Variants in FAM162A observed in about 807,000 individuals in gnomAD.
The protein encoded by FAM162A is family with sequence similarity 162 member A.
FAM162A carries 23 observed loss-of-function variants against 21.8 expected under a neutral mutation model. The ratio of observed to expected loss-of-function variants is 1.05; its 90% CI spans 0.76 to 1.49. The LOEUF (loss-of-function observed/expected upper bound fraction) is 1.49, where lower values mean the gene tolerates loss of function less well. FAM162A is among the 40% of genes most tolerant of loss of function. The pLI is 0.00. For synonymous variants in FAM162A, 53 were observed against 61.3 expected (o/e 0.86, Z 0.64); for missense variants, 165 against 186.4 (o/e 0.89, Z 0.67).
rs1300454506 is a variant in FAM162A, at chr3:122,404,276, C to T, written c.176C>T (p.Pro59Leu). Residue 59 changes from proline (P) to leucine (L), a missense_variant, in exon 3 of 5, where the codon CCT (proline) becomes CTT (leucine). Transcript: ENST00000477892. ...CTCATAGGCACTTACAACAGAGTGC[C>T]TTTACACAAACCTACGGATTGGCAG... ...GAPSRTYNRV[P>L]LHKPTDWQKK... 1 of 1,601,044 alleles carries T rather than the reference C, an allele frequency of 6.2e-7. No homozygotes were observed. Among genetic ancestry groups the T allele is most frequent in the East Asian group, 2.3e-5 (1 of 44,244 alleles).
At chr3:122,392,828 C>G (rs949030093) in intron 1 of FAM162A, among the ~76,000 whole-genome samples, 2 of 152,104 alleles carry the variant, frequency 1.3e-5, no homozygotes, top group Non-Finnish European at 1.5e-5. Flanking sequence ...TGTCAGAAAT[C>G]CTGACCACAT....
At chr3:122,400,740 T>A (rs1418427367) in intron 1 of FAM162A, among the ~76,000 whole-genome samples, 1 of 151,710 alleles carries the variant, frequency 6.6e-6, no homozygotes, top group Non-Finnish European at 1.5e-5. Flanking sequence ...GGCAGGAGAA[T>A]CACTTGAACC....
intron 1 of FAM162A, among the ~76,000 whole-genome samples, chr3:122,396,481 C>A (rs961543148): frequency 6.6e-6 from 1 of 152,078 alleles, no homozygotes; most frequent in Non-Finnish European, 1.5e-5. Context: ...CAGTTATAAT[C>A]AAAAAGAATA....
At chr3:122,398,941 A>T (rs1167945111) in intron 1 of FAM162A, among the ~76,000 whole-genome samples, 1 of 152,154 alleles carries the variant, frequency 6.6e-6, no homozygotes, top group Non-Finnish European at 1.5e-5. Flanking sequence ...TATTTTTAAA[A>T]TTTTTTAAGT....
intron 1 of FAM162A, among the ~76,000 whole-genome samples, chr3:122,389,425 AGATAGATAGATG>A (rs1254914228): frequency 6.4e-4 from 90 of 140,210 alleles, no homozygotes; most frequent in African/African-American, 2.2e-3. Context: ...ATAGATAGAT[AGATAGATAGATG>A]AGATAGATAG....
intron 1 of FAM162A, among the ~76,000 whole-genome samples, chr3:122,388,759 T>C (rs567612905): frequency 6.6e-6 from 1 of 152,148 alleles, no homozygotes; most frequent in South Asian, 2.1e-4. Context: ...TCTAAAAAAA[T>C]GTATTCATGA....
chr3:122,401,637 C>CA, intron 1 of FAM162A: 5 of 787,338 alleles, frequency 6.4e-6, no homozygotes, highest in Non-Finnish European at 8.3e-6. Context: ...TAGTATATAT[C>CA]TAAAAAAAAA....
rs771323822 is a variant in FAM162A, at chr3:122,407,350, G to A, written c.333G>A (p.Thr111=). ...TCAGCTATCTAATGATTGCCCTGAC[G>A]GTGGTAGGATGCATCTTCATGGTTA... ...VKISYLMIAL[T]VVGCIFMVIE... is the part of the protein sequence containing the mutation. The change falls in exon 4 of 5, where the codon ACG becomes ACA. Residue 111 remains threonine (T), a synonymous_variant. Transcript: ENST00000477892. The A allele has an allele frequency of 1.9e-5, 31 of 1,613,890 alleles. No homozygotes were observed. Among genetic ancestry groups the A allele is most frequent in the Non-Finnish European group, 2.5e-5 (29 of 1,179,944 alleles).
intron 1 of FAM162A, chr3:122,401,363 CCTTTT>C (rs1206358257): frequency 9.9e-7 from 1 of 1,008,082 alleles, no homozygotes; most frequent in Non-Finnish European, 1.2e-6. Flanking sequence ...ACAGAGAACT[CCTTTT>C]CTTTCAGGTT....
intron 1 of FAM162A, among the ~76,000 whole-genome samples, chr3:122,387,883 A>C (rs55964420): frequency 0.019 from 2,828 of 152,090 alleles, 55 homozygotes; most frequent in South Asian, 0.088. Context: ...TGATGTGAGC[A>C]CATGTAGGGG....
At chr3:122,407,102 C>T (rs1213839460) in intron 3 of FAM162A, among the ~76,000 whole-genome samples, 179 bp from the exon 4 acceptor site, 1 of 151,774 alleles carries the variant, frequency 6.6e-6, no homozygotes, top group African/African-American at 2.4e-5. Flanking sequence ...ACGAAAAATG[C>T]CTCATCCTCC....
At chr3:122,388,886 A>G (rs2075586646) in intron 1 of FAM162A, among the ~76,000 whole-genome samples, 1 of 152,098 alleles carries the variant, frequency 6.6e-6, no homozygotes, top group Non-Finnish European at 1.5e-5. Flanking sequence ...TGTCTCTACT[A>G]AAAACACAAA....
chr3:122,407,580 A>G (rs946793364), intron 4 of FAM162A, 191 bp downstream of exon 4: 3 of 502,910 alleles, frequency 6.0e-6, no homozygotes, highest in Middle Eastern at 1.0e-3. Context: ...GATAGATAGC[A>G]AATCCTAACT....
intron 1 of FAM162A, among the ~76,000 whole-genome samples, chr3:122,398,229 G>A (rs2075638308): frequency 6.6e-6 from 1 of 152,108 alleles, no homozygotes; most frequent in African/African-American, 2.4e-5. Flanking sequence ...TTAATGTGAA[G>A]GGGGAGAATA....
Position 122,409,893 on chromosome 3 carries a change from T to C in FAM162A, c.*62T>C, listed in dbSNP as rs1252305338. On this transcript the variant is annotated 3_prime_UTR_variant, in exon 5 of 5. Coordinates refer to ENST00000477892, the MANE Select transcript of FAM162A (RefSeq NM_014367.4). ...GGAATTATGTTATAACGTGCCTGTA[T>C]TAAAAAGGATGTGGTATGAGGATCC... 1 of 1,398,490 alleles carries C rather than the reference T, an allele frequency of 7.2e-7. No individual in the cohort carries two copies. Among genetic ancestry groups the C allele is most frequent in the Admixed American group, 1.7e-5 (1 of 58,692 alleles). 86.6% of individuals were successfully genotyped at this position (1,398,490 alleles called of 1,614,324 possible).
intron 1 of FAM162A, among the ~76,000 whole-genome samples, chr3:122,401,862 A>G (rs2107699658): frequency 6.6e-6 from 1 of 152,290 alleles, no homozygotes. Context: ...AGAGCTGGAT[A>G]TAGACCTTTG....
chr3:122,399,717 A>G (rs899620379), intron 1 of FAM162A, among the ~76,000 whole-genome samples: 3 of 152,212 alleles, frequency 2.0e-5, no homozygotes, highest in South Asian at 2.1e-4. Flanking sequence ...TCTTTCCACA[A>G]TGGTTGAACT....
At chr3:122,406,333 G>A (rs2075676428) in intron 3 of FAM162A, among the ~76,000 whole-genome samples, 1 of 152,212 alleles carries the variant, frequency 6.6e-6, no homozygotes, top group African/African-American at 2.4e-5. Context: ...AGGAGGCTGA[G>A]GCAGGAGGAT....
At chr3:122,394,291 G>A (rs921826288) in intron 1 of FAM162A, among the ~76,000 whole-genome samples, 1 of 147,176 alleles carries the variant, frequency 6.8e-6, no homozygotes, top group Admixed American at 6.7e-5. Context: ...AGATTTGGGT[G>A]GGGGTACAGA....
Sources: allele counts gnomAD v4.1 joint callset (sites outside exome capture counted in the v4.1 genomes callset), GRCh38; gene constraint gnomAD v4.1.1; transcripts MANE v1.5; gene names NCBI Gene and HGNC (gene_info 2026-07-23, HGNC 2026-07-21).